Variants in URM1 observed in about 807,000 individuals in gnomAD.
URM1 encodes the protein ubiquitin-related modifier 1.
Under a neutral mutation model 17.7 loss-of-function variants are expected in URM1, and 11 were observed. The ratio of observed to expected loss-of-function variants is 0.62; its 90% CI spans 0.39 to 1.03. The LOEUF (loss-of-function observed/expected upper bound fraction) is 1.03, where lower values mean the gene tolerates loss of function less well. Ranked by LOEUF, URM1 falls within the 50% of genes least tolerant of loss-of-function variation. The pLI is 0.00. For missense variants in URM1, 128 were observed against 129.2 expected, an observed-to-expected ratio of 0.99 and a Z score of 0.04; for synonymous variants, 48 against 50.6, an observed-to-expected ratio of 0.95 and a Z score of 0.22.
intron 2 of URM1, among the ~76,000 whole-genome samples, chr9:128,386,777 G>A (rs77536468): frequency 0.091 from 13,929 of 152,286 alleles, 720 homozygotes; most frequent in Middle Eastern, 0.17. Context: ...CCTGAGCTTT[G>A]TCTCAGGCAT....
intron 1 of URM1, among the ~76,000 whole-genome samples, chr9:128,374,693 T>A (rs1833054513): frequency 6.6e-6 from 1 of 152,238 alleles, no homozygotes; most frequent in African/African-American, 2.4e-5. Flanking sequence ...AGGACATCTC[T>A]GTTCCCTGAA....
Position 128,387,784 on chromosome 9 carries a change from G to C in URM1, c.107-32G>C, listed in dbSNP as rs1833246980. On this transcript the variant is annotated intron_variant, in intron 2 of 4. Coordinates refer to ENST00000372853, the MANE Select transcript of URM1 (RefSeq NM_030914.4). This position sits in a 1 kb window ranked among gnomAD's most constrained non-coding sequence, Gnocchi z 4.3. The stretch of plus-strand genomic sequence containing the variant: ...GGGTGGGCAGGTGCTATTTGGGTTT[G>C]ACAAGAGTTTGTTCTGTGCATTCCT... The C allele has an allele frequency of 3.1e-6, 5 of 1,613,582 alleles. No individual in the cohort carries two copies. In the Admixed American group the frequency reaches 6.7e-5, roughly 22 times the overall value.
intron 3 of URM1, chr9:128,388,290 C>T (rs556898115): frequency 8.7e-5 from 92 of 1,062,354 alleles, no homozygotes; most frequent in Non-Finnish European, 1.0e-4. Context: ...ATTTAAATAG[C>T]CACATGCAGC....
chr9:128,388,117 GA>G (rs1469227438), intron 3 of URM1: 1 of 1,331,602 alleles, frequency 7.5e-7, no homozygotes, highest in African/African-American at 1.5e-5. Flanking sequence ...GAATTTCTCA[GA>G]AAACTTGGAT....
Position 128,389,536 on chromosome 9 carries a change from G to C in URM1, c.238-130G>C, listed in dbSNP as rs1833277239. 5 of 1,548,254 alleles carry C rather than the reference G, an allele frequency of 3.2e-6. No homozygotes were observed. In the East Asian group the frequency reaches 1.2e-4, roughly 38 times the overall value. ...TGAAGATTTGCAGGTTGAGGTATAG[G>C]ATACCCATTTTTCTGGTAGAGTCTG... is the stretch of plus-strand genomic sequence containing the variant. On this transcript the variant is annotated intron_variant, in intron 4 of 4. Transcript: ENST00000372853.
At chr9:128,381,408 A>G (rs998096823) in intron 2 of URM1, among the ~76,000 whole-genome samples, 1 of 152,200 alleles carries the variant, frequency 6.6e-6, no homozygotes, top group Non-Finnish European at 1.5e-5. Context: ...AGGAGGTAAC[A>G]TACCAAGGCC....
chr9:128,380,493 C>T (rs1833144659), intron 2 of URM1, among the ~76,000 whole-genome samples: 1 of 152,076 alleles, frequency 6.6e-6, no homozygotes, highest in Admixed American at 6.6e-5. Flanking sequence ...CTTGGGAGGG[C>T]ACATGGTGCT....
intron 1 of URM1, among the ~76,000 whole-genome samples, chr9:128,375,893 G>T (rs1012170515): frequency 8.5e-5 from 13 of 152,068 alleles, no homozygotes; most frequent in Non-Finnish European, 5.9e-5. Flanking sequence ...AAAGAAAAAA[G>T]AAGATTGAGT....
chr9:128,383,365 C>T (rs1337029151), intron 2 of URM1, among the ~76,000 whole-genome samples: 3 of 152,158 alleles, frequency 2.0e-5, no homozygotes, highest in Admixed American at 1.3e-4. Context: ...CCTCCACCCC[C>T]TCTCCTCTGT....
Position 128,389,996 on chromosome 9 carries a change from T to C in URM1, c.*262T>C. 1 of 547,506 alleles carries C rather than the reference T, an allele frequency of 1.8e-6. No individual in the cohort carries two copies. Among genetic ancestry groups the C allele is most frequent in the Non-Finnish European group, 3.2e-6 (1 of 310,942 alleles). 33.9% of individuals were successfully genotyped at this position (547,506 alleles called of 1,614,324 possible). ...GTGGTGGGGGAGGGTTCCCCTCCAG[T>C]TTGTCAAGAGTTGAAGGAGGCTCTG... is the stretch of plus-strand genomic sequence containing the variant. On this transcript the variant is annotated 3_prime_UTR_variant, in exon 5 of 5. Coordinates refer to ENST00000372853, the MANE Select transcript of URM1 (RefSeq NM_030914.4).
chr9:128,382,668 T>C (rs1301355001), intron 2 of URM1, among the ~76,000 whole-genome samples: 1 of 152,198 alleles, frequency 6.6e-6, no homozygotes, highest in East Asian at 1.9e-4. Flanking sequence ...TTCTTCCCTA[T>C]CTGTAAGATG....
At chr9:128,371,473 C>A in intron 1 of URM1, 58 bp downstream of exon 1, 1 of 1,577,910 alleles carries the variant, frequency 6.3e-7, no homozygotes, top group Non-Finnish European at 8.7e-7. Context: ...GCCCAGAATT[C>A]CTTTCCTTCT....
At chr9:128,376,412 C>T (rs973828958) in intron 1 of URM1, among the ~76,000 whole-genome samples, 1 of 151,212 alleles carries the variant, frequency 6.6e-6, no homozygotes, top group Non-Finnish European at 1.5e-5. Flanking sequence ...GTAATCCCAA[C>T]ACTTCGGGAG....
At chr9:128,388,597 C>T (rs1833260428) in intron 3 of URM1, 1 of 986,068 alleles carries the variant, frequency 1.0e-6, no homozygotes, top group Admixed American at 6.1e-5. Flanking sequence ...TCCTTCAGGT[C>T]ATGGTCCAGT....
chr9:128,388,034 T>C, intron 3 of URM1, 137 bp downstream of exon 3: 1 of 1,401,062 alleles, frequency 7.1e-7, no homozygotes, highest in Non-Finnish European at 9.3e-7. Context: ...AGCTCTGAGA[T>C]CTGTTTTCAG....
chr9:128,388,803 C>T lies in URM1; in HGVS notation c.189-458C>T, dbSNP rs76054685. The T allele has an allele frequency of 5.2e-4, 516 of 989,470 alleles. 12 individuals are homozygous for T. In the East Asian group the frequency reaches 0.041, roughly 79 times the overall value. 61.3% of individuals were successfully genotyped at this position (989,470 alleles called of 1,614,324 possible). On this transcript the variant is annotated intron_variant, in intron 3 of 4. Transcript: ENST00000372853. ...TCTCTCCAGGATGGGCATGCAGAGG[C>T]CTAAAAAAAAGCCGAAGTTCTTTTC...
chr9:128,374,551 G>C (rs984713423), intron 1 of URM1, among the ~76,000 whole-genome samples: 1 of 152,066 alleles, frequency 6.6e-6, no homozygotes, highest in Non-Finnish European at 1.5e-5. Context: ...CCCTGTGCGC[G>C]GCCACAGATG....
chr9:128,391,189 A>T lies in URM1; in HGVS notation c.*1455A>T, dbSNP rs978608305. 1 of 152,214 alleles carries T rather than the reference A, an allele frequency of 6.6e-6. No individual in the cohort carries two copies. Among genetic ancestry groups the T allele is most frequent in the Non-Finnish European group, 1.5e-5 (1 of 68,050 alleles). 9.4% of individuals were successfully genotyped at this position (152,214 alleles called of 1,614,324 possible). On this transcript the variant is annotated 3_prime_UTR_variant, in exon 5 of 5. Transcript: ENST00000372853. ...CACCCAAAATGTTGCTTTTCATTCTATGTCAATAATTTAAGGTGGAATTTC... is the reference window on the plus strand; with the variant it reads ...CACCCAAAATGTTGCTTTTCATTCTTTGTCAATAATTTAAGGTGGAATTTC...
At chr9:128,385,879 G>A (rs999445045) in intron 2 of URM1, among the ~76,000 whole-genome samples, 3 of 151,470 alleles carry the variant, frequency 2.0e-5, no homozygotes, top group Admixed American at 6.6e-5. Context: ...CCTGGGTGGG[G>A]GGCGGGCAGA....
Sources: allele counts gnomAD v4.1 joint callset (sites outside exome capture counted in the v4.1 genomes callset), GRCh38; gene constraint gnomAD v4.1.1; non-coding constraint Gnocchi (gnomAD v3.1); transcripts MANE v1.5; gene names NCBI Gene and HGNC (gene_info 2026-07-23, HGNC 2026-07-21).